Variants in CARD9 observed in about 807,000 individuals in gnomAD.
CARD9 encodes caspase recruitment domain family member 9.
CARD9 carries 53 observed loss-of-function variants against 66.0 expected under a neutral mutation model. The observed-to-expected ratio is 0.80, with a 90% confidence interval of 0.64 to 1.01. CARD9 has a LOEUF of 1.01. CARD9 is among the 50% of genes least tolerant of loss of function. CARD9 has a pLI of 0.00. For missense variants in CARD9, 769 were observed against 743.2 expected (o/e 1.03, Z -0.40); for synonymous variants, 387 against 313.8 (o/e 1.23, Z -2.47).
At chr9:136,367,897 G>A (rs572036783) in intron 7 of CARD9, 69 bp from the exon 8 acceptor site, 281 of 1,510,386 alleles carry the variant, frequency 1.9e-4, no homozygotes, top group Non-Finnish European at 2.4e-4. Context: ...CGGCCCGGCC[G>A]CCCAACTCCA....
In CARD9 at chr9:136,365,007, C is replaced by T. The variant is rs906802976; in HGVS notation, c.1434+134G>A. The T allele has an allele frequency of 3.7e-6, 3 of 804,782 alleles. No homozygotes were observed. The African/African-American group carries it at 5.1e-5, about 14-fold the overall frequency. The allele number at this position is 804,782 out of a possible 1,614,324, so 49.9% of individuals were successfully genotyped here. A position where few individuals can be genotyped will look rare whatever the true frequency, so the allele number is the denominator to read the frequency against. ...GACACCGCACCCCGAGCACTGTGGG[C>T]AGAGACCTTGTGGTCACTCCTCAGC... On this transcript the variant is annotated intron_variant, in intron 11 of 12. Transcript: ENST00000371732.
At chr9:136,367,931 A>G in intron 7 of CARD9, 103 bp from the exon 8 acceptor site, 1 of 1,461,642 alleles carries the variant, frequency 6.8e-7, no homozygotes, top group African/African-American at 1.4e-5. Context: ...GAGGACGTCA[A>G]GCCGCTGGGC....
chr9:136,369,420 T>A (rs1833203434), intron 7 of CARD9, among the ~76,000 whole-genome samples: 1 of 152,254 alleles, frequency 6.6e-6, no homozygotes, highest in Non-Finnish European at 1.5e-5. Flanking sequence ...GCGGGAAGGT[T>A]GAACACGGTT....
In CARD9 at chr9:136,371,914, G is replaced by T; in HGVS notation, c.165C>A (p.Val55=). Residue 55 remains valine, a synonymous_variant, in exon 2 of 13, where the codon GTC becomes GTA. Coordinates refer to ENST00000371732, the MANE Select transcript of CARD9 (RefSeq NM_052813.5). ...EEQVLSDPNL[V]IRKRKVGVLL... ...ACTGACCCACTTTCCGTTTGCGGAT[G>T]ACCAGGTTGGGGTCGCTGAGCACCT... The T allele has an allele frequency of 6.2e-7, 1 of 1,604,638 alleles. No individual in the cohort carries two copies. The highest frequency in any genetic ancestry group is 1.1e-5 in the South Asian group (1 of 90,802).
At chr9:136,365,836 C>G (rs1481911353) in intron 10 of CARD9, 1 of 153,666 alleles carries the variant, frequency 6.5e-6, no homozygotes, top group Non-Finnish European at 1.5e-5. Flanking sequence ...CCCTCCCCTG[C>G]TCACCCTCCA....
intron 7 of CARD9, among the ~76,000 whole-genome samples, chr9:136,369,529 G>A (rs1308704429): frequency 1.3e-5 from 2 of 152,214 alleles, no homozygotes; most frequent in Non-Finnish European, 2.9e-5. Context: ...AAACAGACCA[G>A]GTGTGGCAGC....
chr9:136,364,136 C>A lies in CARD9; in HGVS notation c.*166G>T. The A allele has an allele frequency of 1.9e-6, 3 of 1,550,558 alleles. No individual in the cohort carries two copies. The highest frequency in any genetic ancestry group is 2.6e-6 in the Non-Finnish European group (3 of 1,146,872). On this transcript the variant is annotated 3_prime_UTR_variant, in exon 13 of 13. Transcript: ENST00000371732. The stretch of plus-strand genomic sequence containing the variant: ...AAAATGAGTGCCGCTTAACAAACGG[C>A]CCCAATGCCCGGCAGTCCGGCTGGG...
intron 10 of CARD9, 62 bp from the exon 11 acceptor site, chr9:136,365,279 G>GC: frequency 6.6e-7 from 1 of 1,506,566 alleles, no homozygotes; most frequent in Admixed American, 1.7e-5. Flanking sequence ...TAGCACGGCT[G>GC]CCCCACCCCT....
chr9:136,364,938 A>G (rs1588719554), intron 11 of CARD9: 1 of 598,738 alleles, frequency 1.7e-6, no homozygotes, highest in South Asian at 2.0e-5. Context: ...AAGCCCCCCA[A>G]GCTGCTGCAG....
At chr9:136,371,559 C>T in intron 2 of CARD9, 98 bp from the exon 3 acceptor site, 1 of 1,495,088 alleles carries the variant, frequency 6.7e-7, no homozygotes, top group Non-Finnish European at 9.0e-7. Context: ...GGCTGGCATG[C>T]AGATGAGGTG....
At position 136,371,532 on chromosome 9, in the gene CARD9, G is replaced by A. The variant is rs1833273974; in HGVS notation, c.185-71C>T. The A allele has an allele frequency of 2.0e-6, 3 of 1,518,826 alleles. No individual in the cohort carries two copies. The Admixed American group carries it at 5.9e-5, about 30-fold the overall frequency. 94.1% of individuals were successfully genotyped at this position (1,518,826 alleles called of 1,614,324 possible). ...AGAGGGCTGGGGTGGGTGGGCCTGG[G>A]GGCAGGGACAGGTGGAGGCTGGCAT... On this transcript the variant is annotated intron_variant, in intron 2 of 12. Transcript: ENST00000371732.
intron 2 of CARD9, 69 bp from the exon 3 acceptor site, chr9:136,371,530 G>A: frequency 2.6e-6 from 4 of 1,517,290 alleles, no homozygotes; most frequent in South Asian, 1.2e-5. Context: ...GGGTGGGCCT[G>A]GGGGCAGGGA....
In CARD9 at chr9:136,364,145, C is replaced by T. The variant is rs1344691363; in HGVS notation, c.*157G>A. The T allele has an allele frequency of 1.2e-5, 19 of 1,550,426 alleles. No homozygotes were observed. The highest frequency in any genetic ancestry group is 1.6e-5 in the Non-Finnish European group (18 of 1,146,882). ...GCCGCTTAACAAACGGCCCCAATGC[C>T]CGGCAGTCCGGCTGGGCCTTTCAGG... is the stretch of plus-strand genomic sequence containing the variant. On this transcript the variant is annotated 3_prime_UTR_variant, in exon 13 of 13. Transcript: ENST00000371732.
At position 136,367,786 on chromosome 9, in the gene CARD9, C is replaced by G; in HGVS notation, c.1120G>C (p.Gly374Arg). ...CGCAGCGCGTCCTTCTCCTGCAGGC[C>G]CCGGGCGTGCTGTGCGTGCAGCTCC... ...REELHAQHAR[G>R]LQEKDALRKQ... The change falls in exon 8 of 13, where the codon GGC (glycine) becomes CGC (arginine). Residue 374 changes from glycine to arginine, a missense_variant. Physicochemically the swap from Gly to Arg is moderately radical, Grantham distance 125. Transcript: ENST00000371732. 1 of 1,603,548 alleles carries G rather than the reference C, an allele frequency of 6.2e-7. No individual in the cohort carries two copies. The highest frequency in any genetic ancestry group is 8.5e-7 in the Non-Finnish European group (1 of 1,179,288).
chr9:136,365,757 G>C (rs1252308196), intron 10 of CARD9: 1 of 157,568 alleles, frequency 6.3e-6, no homozygotes, highest in Non-Finnish European at 1.4e-5. Context: ...CGCACGTCCA[G>C]TCTCAGCCCC....
rs780447077 is a variant in CARD9, at chr9:136,365,232, C to G, written c.1358-15G>C. ...GGCAAGGCAGCCTGGAAAGGAGAGT[C>G]GTGCCTGTGGGACCTGCCCATCTGC... On this transcript the variant is annotated splice_polypyrimidine_tract_variant and intron_variant, in intron 10 of 12. Coordinates refer to ENST00000371732, the MANE Select transcript of CARD9 (RefSeq NM_052813.5). 3 of 1,605,638 alleles carry G rather than the reference C, an allele frequency of 1.9e-6. No individual in the cohort carries two copies. Among genetic ancestry groups the G allele is most frequent in the Admixed American group, 1.7e-5 (1 of 59,950 alleles).
At chr9:136,364,430 C>T (rs1240669316) in intron 12 of CARD9, 29 bp from the exon 13 acceptor site, 3 of 1,541,778 alleles carry the variant, frequency 1.9e-6, no homozygotes, top group Non-Finnish European at 2.6e-6. Context: ...CAGGCGCGAC[C>T]CGGCTGCCGC....
At chr9:136,364,870 C>G in intron 11 of CARD9, 1 of 595,154 alleles carries the variant, frequency 1.7e-6, no homozygotes, top group Non-Finnish European at 3.0e-6. Context: ...CTGTGTTCAC[C>G]TCCTCATCCA....
At chr9:136,368,487 C>T (rs905711804) in intron 7 of CARD9, among the ~76,000 whole-genome samples, 3 of 152,338 alleles carry the variant, frequency 2.0e-5, no homozygotes, top group Admixed American at 2.0e-4. Context: ...GAGCTCTGAG[C>T]CTGGGCTGCT....
Sources: gnomAD v4.1 joint callset for allele counts (sites outside exome capture counted in the v4.1 genomes callset) on GRCh38, gnomAD v4.1.1 for gene constraint, MANE v1.5 for transcripts, NCBI Gene and HGNC (gene_info 2026-07-23, HGNC 2026-07-21) for gene names.